The following ADAM11 variants were observed in gnomAD, a reference collection of about 807,000 sequenced individuals.
ADAM11 encodes disintegrin and metalloproteinase domain-containing protein 11.
In ADAM11, 49 loss-of-function variants were observed where a neutral mutation model predicts 119.1. That is an observed-to-expected ratio of 0.41 (90% confidence interval 0.33 to 0.52). The LOEUF (loss-of-function observed/expected upper bound fraction) is 0.52, where lower values mean the gene tolerates loss of function less well. Ranked by LOEUF, ADAM11 falls within the 20% of genes least tolerant of loss-of-function variation. ADAM11 has a pLI of 0.20. For missense variants in ADAM11, 777 were observed against 1,047.5 expected, an observed-to-expected ratio of 0.74 and a Z score of 3.56; for synonymous variants, 364 against 408.0, an observed-to-expected ratio of 0.89 and a Z score of 1.30.
At chr17:44,770,289 G>A (rs546019116) in intron 4 of ADAM11, among the ~76,000 whole-genome samples, 1 of 152,206 alleles carries the variant, frequency 6.6e-6, no homozygotes, top group African/African-American at 2.4e-5. Flanking sequence ...GCCAGCCCAC[G>A]TGGGGCCTAC....
At chr17:44,779,427 C>T in intron 26 of ADAM11, 188 bp downstream of exon 26, 1 of 985,312 alleles carries the variant, frequency 1.0e-6, no homozygotes, top group Non-Finnish European at 1.2e-6. Context: ...AAGGTCCCAG[C>T]TGCCCTCGCC....
Position 44,777,562 on chromosome 17 carries a change from G to A in ADAM11, c.1862G>A (p.Ser621Asn), listed in dbSNP as rs2049621144. ...GGGGACCTGGTGGGAGACATCAGTA[G>A]TGTCACCTTCTACCACCAGGGCAAG... ...RLGDLVGDISSVTFYHQGKEL... is the reference protein window; with the variant it reads ...RLGDLVGDISNVTFYHQGKEL... The change falls in exon 22 of 27, where the codon AGT (serine) becomes AAT (asparagine). Residue 621 changes from serine to asparagine, a missense_variant. This residue lies in a region of ADAM11 where 348 missense variants were observed against 486.7 expected (regional missense o/e 0.72). Transcript: ENST00000200557. The surrounding 1 kb of genome is among the most constrained non-coding windows in gnomAD (Gnocchi z 5.1). 6.2e-7 allele frequency: 1 copy of A among 1,614,192 alleles called. No homozygotes were observed.
In ADAM11 at chr17:44,776,168, G is replaced by C. The variant is rs761933455; in HGVS notation, c.1527G>C (p.Glu509Asp). ...TGTCCTGCCGAGAGGCCGTGAACGA[G>C]TGCGACATCGCGGAGACCTGCACCG... ...RGVSCREAVNECDIAETCTGD... is the reference protein window; with the variant it reads ...RGVSCREAVNDCDIAETCTGD... Residue 509 changes from glutamate (E) to aspartate (D), a missense_variant, in exon 18 of 27, where the codon GAG (glutamate) becomes GAC (aspartate). Physicochemically the swap from Glu to Asp is conservative, Grantham distance 45. Around this residue, in one of 4 missense-constraint regions of ADAM11, gnomAD observed 348 missense variants for 486.7 expected, o/e 0.72. Coordinates refer to ENST00000200557, the MANE Select transcript of ADAM11 (RefSeq NM_002390.6). This position sits in a 1 kb window ranked among gnomAD's most constrained non-coding sequence, Gnocchi z 5.2. 7.4e-6 allele frequency: 12 copies of C among 1,613,514 alleles called. No homozygotes were observed. The highest frequency in any genetic ancestry group is 1.1e-5 in the South Asian group (1 of 91,084).
Position 44,767,997 on chromosome 17 carries a change from T to C in ADAM11, c.238-1721T>C, listed in dbSNP as rs117833162. 2.9e-3 allele frequency among the ~76,000 whole-genome samples: 447 copies of C among 152,352 alleles called. 1 individual carries two copies. Among genetic ancestry groups the C allele is most frequent in the Middle Eastern group, 6.8e-3 (2 of 294 alleles). The stretch of plus-strand genomic sequence containing the variant: ...GTAGCCAACCTCCTGGCCTCGCATC[T>C]GGGCTCATCTGACCATTTTCAGTGG... On this transcript the variant is annotated intron_variant, in intron 2 of 26. Coordinates refer to ENST00000200557, the MANE Select transcript of ADAM11 (RefSeq NM_002390.6).
chr17:44,776,835 C>A lies in ADAM11; in HGVS notation c.1617+40C>A. On this transcript the variant is annotated intron_variant, in intron 19 of 26. Transcript: ENST00000200557. The surrounding 1 kb of genome is among the most constrained non-coding windows in gnomAD (Gnocchi z 5.2). ...CCCTGAGCCTGGGATTCAGGGCAGT[C>A]TCTTGTCTCCACTCTGACCACTCAG... 1 of 1,614,024 alleles carries A rather than the reference C, an allele frequency of 6.2e-7. No individual in the cohort carries two copies. Among genetic ancestry groups the A allele is most frequent in the Middle Eastern group, 1.7e-4 (1 of 6,058 alleles).
Position 44,759,041 on chromosome 17 carries a change from C to A in ADAM11, c.-159C>A, listed in dbSNP as rs1294204453. 1 of 197,414 alleles carries A rather than the reference C, an allele frequency of 5.1e-6. No individual in the cohort carries two copies. The highest frequency in any genetic ancestry group is 9.6e-6 in the Non-Finnish European group (1 of 104,520). 12.2% of individuals were successfully genotyped at this position (197,414 alleles called of 1,614,324 possible). A position where few individuals can be genotyped will look rare whatever the true frequency, so the allele number is the denominator to read the frequency against. On this transcript the variant is annotated 5_prime_UTR_variant, in exon 1 of 27. Transcript: ENST00000200557. The stretch of plus-strand genomic sequence containing the variant: ...GCCGCGGCCGGAGCGCGCTGAGCCC[C>A]GGCGCCGTCCCTGCCGCCCCCACCT...
At chr17:44,766,397 T>C (rs1400534662) in intron 2 of ADAM11, among the ~76,000 whole-genome samples, 3 of 152,222 alleles carry the variant, frequency 2.0e-5, no homozygotes, top group African/African-American at 7.2e-5. Flanking sequence ...TCTGGGTCTT[T>C]GGCAGAATCT....
intron 2 of ADAM11, among the ~76,000 whole-genome samples, chr17:44,765,610 C>CTTTTTTTTTTTTTTTTTTTTTT (rs748123040): frequency 7.0e-5 from 7 of 99,874 alleles, no homozygotes; most frequent in Non-Finnish European, 1.1e-4. Context: ...TTTCTTTTCT[C>CTTTTTTTTTTTTTTTTTTTTTT]TTTTTTTTTT....
At chr17:44,763,917 A>C (rs1310933970) in intron 2 of ADAM11, among the ~76,000 whole-genome samples, 1 of 152,124 alleles carries the variant, frequency 6.6e-6, no homozygotes, top group African/African-American at 2.4e-5. Context: ...GGGTTTCACC[A>C]TGCTGGCCAA....
rs1303589588 is a variant in ADAM11 at position 44,781,240 on chromosome 17, C to T, written c.*1486C>T. The T allele has an allele frequency of 1.3e-5, 2 of 152,190 alleles. No homozygotes were observed. Among genetic ancestry groups the T allele is most frequent in the Non-Finnish European group, 2.9e-5 (2 of 68,030 alleles). 9.4% of individuals were successfully genotyped at this position (152,190 alleles called of 1,614,324 possible). A position where few individuals can be genotyped will look rare whatever the true frequency, so the allele number is the denominator to read the frequency against. On this transcript the variant is annotated 3_prime_UTR_variant, in exon 27 of 27. Transcript: ENST00000200557. Reference sequence around the variant, plus strand: ...GAGGAGGCGTTGTGGAGGGCATCGCCCCCTGTTTATTCACAACACCCTCAG... The same window carrying T: ...GAGGAGGCGTTGTGGAGGGCATCGCTCCCTGTTTATTCACAACACCCTCAG...
At chr17:44,759,602 C>A in intron 1 of ADAM11, 120 bp from the exon 2 acceptor site, 2 of 1,304,120 alleles carry the variant, frequency 1.5e-6, no homozygotes, top group Non-Finnish European at 2.0e-6. Context: ...TCCTCCCACC[C>A]GGATCGCCCT....
Position 44,773,080 on chromosome 17 carries a change from G to T in ADAM11, c.820G>T (p.Asp274Tyr). 1 of 1,613,658 alleles carries T rather than the reference G, an allele frequency of 6.2e-7. No individual in the cohort carries two copies. Among genetic ancestry groups the T allele is most frequent in the Non-Finnish European group, 8.5e-7 (1 of 1,179,868 alleles). Residue 274 changes from aspartate (D) to tyrosine (Y), a missense_variant, in exon 10 of 27, where the codon GAT becomes TAT. By Grantham distance (160) the Asp-to-Tyr change is radical. Around this residue, in one of 4 missense-constraint regions of ADAM11, gnomAD observed 147 missense variants for 223.3 expected, o/e 0.66. Coordinates refer to ENST00000200557, the MANE Select transcript of ADAM11 (RefSeq NM_002390.6). This position sits in a 1 kb window ranked among gnomAD's most constrained non-coding sequence, Gnocchi z 4.6. Reference protein sequence around the residue: ...NFAKSVVNLADVIYKEQLNTR... With the variant: ...NFAKSVVNLAYVIYKEQLNTR... ...TGCCAAGTCCGTGGTGAACCTGGCC[G>T]ATGTGGTAAGCAGCTCTCCCTCCCT...
Position 44,775,795 on chromosome 17 carries a change from C to T in ADAM11, c.1485+119C>T. 1 of 1,084,856 alleles carries T rather than the reference C, an allele frequency of 9.2e-7. No individual in the cohort carries two copies. Among genetic ancestry groups the T allele is most frequent in the Non-Finnish European group, 1.3e-6 (1 of 767,958 alleles). 67.2% of individuals were successfully genotyped at this position (1,084,856 alleles called of 1,614,324 possible). A position where few individuals can be genotyped will look rare whatever the true frequency, so the allele number is the denominator to read the frequency against. Reference sequence around the variant, plus strand: ...CCTTCGGGGACGAAGGCCTCTGGGGCAGGGCTTGATGCGAAGACAGCGCCA... The same window carrying T: ...CCTTCGGGGACGAAGGCCTCTGGGGTAGGGCTTGATGCGAAGACAGCGCCA... On this transcript the variant is annotated intron_variant, in intron 17 of 26. Coordinates refer to ENST00000200557, the MANE Select transcript of ADAM11 (RefSeq NM_002390.6). The surrounding 1 kb of genome is among the most constrained non-coding windows in gnomAD (Gnocchi z 7.5).
chr17:44,776,808 C>T lies in ADAM11; in HGVS notation c.1617+13C>T, dbSNP rs181911941. Reference sequence around the variant, plus strand: ...TGACCATGAGCAGGTATGATGGCTGCCCCCTGAGCCTGGGATTCAGGGCAG... The same window carrying T: ...TGACCATGAGCAGGTATGATGGCTGTCCCCTGAGCCTGGGATTCAGGGCAG... On this transcript the variant is annotated intron_variant, in intron 19 of 26. Transcript: ENST00000200557. The surrounding 1 kb of genome is among the most constrained non-coding windows in gnomAD (Gnocchi z 5.2). 1.2e-6 allele frequency: 2 copies of T among 1,614,112 alleles called. No individual in the cohort carries two copies. Among genetic ancestry groups the T allele is most frequent in the East Asian group, 2.2e-5 (1 of 44,874 alleles).
intron 2 of ADAM11, among the ~76,000 whole-genome samples, chr17:44,760,794 G>A (rs913127355): frequency 3.3e-5 from 5 of 152,108 alleles, no homozygotes; most frequent in Admixed American, 1.3e-4. Context: ...GGAGGGAAAC[G>A]GAGGCTAACA....
chr17:44,761,668 ACCT>A (rs2049391041), intron 2 of ADAM11, among the ~76,000 whole-genome samples: 1 of 151,778 alleles, frequency 6.6e-6, no homozygotes, highest in African/African-American at 2.4e-5. Flanking sequence ...CCTCATGGCG[ACCT>A]CCTCAAGGGA....
At chr17:44,774,650 G>A (rs763072883) in intron 13 of ADAM11, 48 bp from the exon 14 acceptor site, 10 of 1,597,264 alleles carry the variant, frequency 6.3e-6, no homozygotes, top group Non-Finnish European at 8.5e-6. Context: ...GTGACAGTGG[G>A]AGGGGTGGTC....
chr17:44,779,427 C>G (rs1240012239), intron 26 of ADAM11, 188 bp downstream of exon 26: 1 of 985,194 alleles, frequency 1.0e-6, no homozygotes, highest in Non-Finnish European at 1.2e-6. Context: ...AAGGTCCCAG[C>G]TGCCCTCGCC....
At chr17:44,762,192 C>T (rs1354025044) in intron 2 of ADAM11, among the ~76,000 whole-genome samples, 2 of 152,122 alleles carry the variant, frequency 1.3e-5, no homozygotes, top group African/African-American at 4.8e-5. Context: ...ACGTAAATTG[C>T]CCAAAGTCAA....
Sources: gnomAD v4.1 joint callset for allele counts (sites outside exome capture counted in the v4.1 genomes callset) on GRCh38, gnomAD v4.1.1 for gene constraint, gnomAD v4.1.1 regional missense constraint, Gnocchi (gnomAD v3.1) non-coding constraint, MANE v1.5 for transcripts, NCBI Gene and HGNC (gene_info 2026-07-23, HGNC 2026-07-21) for gene names.